Variants in PACSIN2 observed in about 807,000 individuals in gnomAD.
PACSIN2 encodes protein kinase C and casein kinase substrate in neurons protein 2.
PACSIN2 carries 25 observed loss-of-function variants against 63.8 expected under a neutral mutation model. The observed-to-expected ratio is 0.39, with a 90% confidence interval of 0.29 to 0.55. PACSIN2 has a LOEUF of 0.55. Among genes scored for constraint, PACSIN2 ranks in the 20% least tolerant of loss-of-function variants. The pLI, the probability that PACSIN2 is intolerant of heterozygous loss-of-function variation, is 0.62. For synonymous variants in PACSIN2, 255 were observed against 256.2 expected (o/e 1.00, Z 0.05); for missense variants, 518 against 646.9 (o/e 0.80, Z 2.16).
At chr22:42,990,967 A>G (rs1922999392) in intron 1 of PACSIN2, among the ~76,000 whole-genome samples, 1 of 152,206 alleles carries the variant, frequency 6.6e-6, no homozygotes, top group Admixed American at 6.5e-5. Context: ...TAAAATGGAC[A>G]GCAGCCACCT....
At chr22:42,939,758 A>T (rs1486768895) in intron 1 of PACSIN2, among the ~76,000 whole-genome samples, 1 of 152,208 alleles carries the variant, frequency 6.6e-6, no homozygotes, top group Admixed American at 6.5e-5. Flanking sequence ...CCTTACCTAC[A>T]AGAGGGAGAG....
intron 1 of PACSIN2, among the ~76,000 whole-genome samples, chr22:42,939,837 G>A (rs758243141): frequency 2.6e-4 from 39 of 152,274 alleles, no homozygotes; most frequent in Non-Finnish European, 5.4e-4. Context: ...CTAGTCATTT[G>A]CTTCTTCGCT....
intron 7 of PACSIN2, among the ~76,000 whole-genome samples, chr22:42,881,397 C>A (rs975660724): frequency 7.9e-5 from 12 of 152,190 alleles, no homozygotes; most frequent in African/African-American, 2.9e-4. Flanking sequence ...CACAGGTGGT[C>A]AGAGGTGAGC....
Position 42,898,702 on chromosome 22 carries a change from C to A in PACSIN2, c.61-5089G>T, listed in dbSNP as rs148559060. Among the ~76,000 whole-genome samples the A allele has an allele frequency of 2.0e-5, 3 of 152,224 alleles. No homozygotes were observed. The East Asian group carries it at 5.8e-4, about 29-fold the overall frequency. The stretch of plus-strand genomic sequence containing the variant: ...TCCCTTCCCCATGCCCTTCCCCGAG[C>A]CCAGGACTCGCCCTGCCGCCTGCCC... On this transcript the variant is annotated intron_variant, in intron 2 of 10. Coordinates refer to ENST00000263246, the MANE Select transcript of PACSIN2 (RefSeq NM_001184970.3).
chr22:42,915,901 G>C (rs1931775488), intron 1 of PACSIN2, among the ~76,000 whole-genome samples: 1 of 152,176 alleles, frequency 6.6e-6, no homozygotes. Flanking sequence ...GAAGCCCTAA[G>C]GCGACACTGA....
intron 1 of PACSIN2, among the ~76,000 whole-genome samples, chr22:42,929,015 CAGG>C: frequency 6.6e-6 from 1 of 152,204 alleles, no homozygotes; most frequent in East Asian, 1.9e-4. Context: ...CTCCTATAAG[CAGG>C]AGATTATGGA....
At chr22:43,008,721 C>T (rs1346752998) in intron 1 of PACSIN2, among the ~76,000 whole-genome samples, 2 of 152,250 alleles carry the variant, frequency 1.3e-5, no homozygotes, top group Non-Finnish European at 2.9e-5. Context: ...AACTTTCAAA[C>T]CCACCCAGCG....
rs541718907 is a variant in PACSIN2 at position 42,907,066 on chromosome 22, G to A, written c.60+4955C>T. Among the ~76,000 whole-genome samples the A allele has an allele frequency of 4.6e-4, 70 of 152,260 alleles. 1 individual carries two copies. Among genetic ancestry groups the A allele is most frequent in the Admixed American group, 9.1e-4 (14 of 15,304 alleles). ...CAGAGCAGCTCCCTAGGAAGGAGAT[G>A]GAAGTCTGGATGGAGGAAAGAATCC... On this transcript the variant is annotated intron_variant, in intron 2 of 10. Coordinates refer to ENST00000263246, the MANE Select transcript of PACSIN2 (RefSeq NM_001184970.3).
rs759434680 is a variant in PACSIN2 at position 42,879,120 on chromosome 22, T to G, written c.956A>C (p.Lys319Thr). 4.2e-5 allele frequency: 67 copies of G among 1,613,720 alleles called. No individual in the cohort carries two copies. Among genetic ancestry groups the G allele is most frequent in the Non-Finnish European group, 5.3e-5 (63 of 1,179,910 alleles). Reference protein sequence around the residue: ...NRTLSRREKKKATDGVTLTGI... With the variant: ...NRTLSRREKKTATDGVTLTGI... ...CGTCAGGGTGACGCCGTCAGTGGCC[T>G]TCTTCTTCTCTCTCCGGCTGAGGGT... Residue 319 changes from lysine (K) to threonine (T), a missense_variant, in exon 8 of 11, where the codon AAG (lysine) becomes ACG (threonine). Physicochemically the swap from Lys to Thr is moderately conservative, Grantham distance 78. Transcript: ENST00000263246.
At chr22:42,989,722 T>A (rs1325337399) in intron 1 of PACSIN2, among the ~76,000 whole-genome samples, 1 of 151,258 alleles carries the variant, frequency 6.6e-6, no homozygotes, top group African/African-American at 2.4e-5. Flanking sequence ...CATTTGAACC[T>A]GGGAGGCAGA....
intron 2 of PACSIN2, among the ~76,000 whole-genome samples, chr22:42,910,596 G>A (rs1317940209): frequency 6.6e-6 from 1 of 152,140 alleles, no homozygotes; most frequent in Admixed American, 6.5e-5. Flanking sequence ...CTAGTTTCAC[G>A]GCCAACCTCC....
At chr22:42,974,261 C>G (rs1235681700) in intron 1 of PACSIN2, among the ~76,000 whole-genome samples, 1 of 152,224 alleles carries the variant, frequency 6.6e-6, no homozygotes. Flanking sequence ...GGGCCTGGCG[C>G]CTGAACCGTC....
rs759997670 is a variant in PACSIN2 at position 42,876,142 on chromosome 22, T to C, written c.1343A>G (p.Lys448Arg). ...EGQEHDELSF[K>R]AGDELTKMED... ...TGCTGGGGGAGCCCACCTACCAGCC[T>C]TGAAGCTCAGCTCATCATGCTCCTG... Residue 448 changes from lysine (K) to arginine (R), a missense_variant, in exon 10 of 11, where the codon AAG (lysine) becomes AGG (arginine). Lys to Arg is a conservative substitution (Grantham distance 26). Around this residue, in one of 2 missense-constraint regions of PACSIN2, gnomAD observed 507 missense variants for 612.3 expected, o/e 0.83. Transcript: ENST00000263246. 5.6e-6 allele frequency: 9 copies of C among 1,609,710 alleles called. No individual in the cohort carries two copies. The East Asian group carries it at 2.0e-4, about 36-fold the overall frequency.
At chr22:42,924,713 T>A (rs533094924) in intron 1 of PACSIN2, among the ~76,000 whole-genome samples, 1 of 151,702 alleles carries the variant, frequency 6.6e-6, no homozygotes, top group African/African-American at 2.4e-5. Context: ...GTCTCCCTCC[T>A]GCCCCACAGG....
intron 1 of PACSIN2, among the ~76,000 whole-genome samples, chr22:42,914,033 T>G (rs1041196957): frequency 2.6e-5 from 4 of 152,188 alleles, no homozygotes; most frequent in Non-Finnish European, 5.9e-5. Context: ...TCCAAAGACA[T>G]TGCCGCTGTG....
In PACSIN2 at chr22:42,876,934, C is replaced by T. The variant is rs763592372; in HGVS notation, c.1105G>A (p.Asp369Asn). 33 of 1,614,056 alleles carry T rather than the reference C, an allele frequency of 2.0e-5. No homozygotes were observed. Among genetic ancestry groups the T allele is most frequent in the South Asian group, 1.2e-4 (11 of 91,090 alleles). Residue 369 changes from aspartate to asparagine, a missense_variant, in exon 9 of 11, where the codon GAC becomes AAC. This residue lies in a region of PACSIN2 where 507 missense variants were observed against 612.3 expected (regional missense o/e 0.83). Transcript: ENST00000263246. ...SSYNPFEDED[D>N]TGSTVSEKDD... ...TTCTCACTGACGGTGCTGCCCGTGTCGTCCTCATCCTCGAAGGGGTTGTAG... is the reference window on the plus strand; with the variant it reads ...TTCTCACTGACGGTGCTGCCCGTGTTGTCCTCATCCTCGAAGGGGTTGTAG...
At chr22:42,992,987 A>T (rs889847478) in intron 1 of PACSIN2, among the ~76,000 whole-genome samples, 1 of 152,140 alleles carries the variant, frequency 6.6e-6, no homozygotes, top group African/African-American at 2.4e-5. Context: ...AACACAGTGA[A>T]GCCCCGTCTC....
chr22:42,983,863 C>G (rs1235349633), intron 1 of PACSIN2, among the ~76,000 whole-genome samples: 4 of 151,822 alleles, frequency 2.6e-5, no homozygotes, highest in African/African-American at 9.7e-5. Flanking sequence ...GAGACAGATA[C>G]TTAATGACCA....
At chr22:42,903,149 C>A (rs1456437874) in intron 2 of PACSIN2, among the ~76,000 whole-genome samples, 3 of 152,164 alleles carry the variant, frequency 2.0e-5, no homozygotes, top group Non-Finnish European at 4.4e-5. Flanking sequence ...TTAGTTTATC[C>A]CTAAGCCAAC....
Sources: gnomAD v4.1 joint callset for allele counts (sites outside exome capture counted in the v4.1 genomes callset) on GRCh38, gnomAD v4.1.1 for gene constraint, gnomAD v4.1.1 regional missense constraint, MANE v1.5 for transcripts, NCBI Gene and HGNC (gene_info 2026-07-23, HGNC 2026-07-21) for gene names.